The following DNAH5 variants were observed in gnomAD, a reference collection of about 807,000 sequenced individuals.
The protein encoded by DNAH5 is dynein axonemal heavy chain 5.
DNAH5 carries 372 observed loss-of-function variants against 518.2 expected under a neutral mutation model. The ratio of observed to expected loss-of-function variants is 0.72; its 90% CI spans 0.66 to 0.78. The LOEUF is 0.78. DNAH5 is among the 30% of genes least tolerant of loss of function. DNAH5 has a pLI of 0.00. For missense variants in DNAH5, 5,523 were observed against 5,687.0 expected (o/e 0.97, Z 0.93); for synonymous variants, 2,039 against 2,025.9 (o/e 1.01, Z -0.17).
Position 13,753,332 on chromosome 5 carries a change from T to C in DNAH5, c.10773A>G (p.Gly3591=), listed in dbSNP as rs1255675070. The change falls in exon 63 of 79, where the codon GGA becomes GGG. Residue 3591 remains glycine (G), a synonymous_variant. Coordinates refer to ENST00000265104, the MANE Select transcript of DNAH5 (RefSeq NM_001369.3). The part of the protein sequence containing the change: ...LPNDDLSIQN[G]IIVTKASRYP... ...AACGAGATGCCTTCGTGACAATAAT[T>C]CCATTTTGAATGGACAAGTCATCAT... The C allele has an allele frequency of 6.2e-7, 1 of 1,613,966 alleles. No individual in the cohort carries two copies.
Position 13,864,656 on chromosome 5 carries a change from A to T in DNAH5, c.4356-19T>A, listed in dbSNP as rs759062728. 2.5e-6 allele frequency: 4 copies of T among 1,614,056 alleles called. No homozygotes were observed. The South Asian group carries it at 4.4e-5, about 18-fold the overall frequency. ...TCGACATCTGTGAAGGGACACCAAC[A>T]TGAAAGGCCATTGAAATATGATGGT... On this transcript the variant is annotated intron_variant, in intron 27 of 78. Coordinates refer to ENST00000265104, the MANE Select transcript of DNAH5 (RefSeq NM_001369.3).
At chr5:13,950,596 T>A (rs768412538) in intron 1 of DNAH5, among the ~76,000 whole-genome samples, 2 of 152,200 alleles carry the variant, frequency 1.3e-5, no homozygotes, top group Non-Finnish European at 2.9e-5. Context: ...TATATAAAGC[T>A]GTAGTGCTTT....
chr5:13,862,828 T>A, intron 28 of DNAH5, 81 bp from the exon 29 acceptor site: 1 of 710,966 alleles, frequency 1.4e-6, no homozygotes, highest in Non-Finnish European at 2.2e-6. Context: ...TACCCCATCT[T>A]CACTATTTGC....
rs1004254149 is a variant in DNAH5, at chr5:13,876,736, T to C, written c.3344A>G (p.Glu1115Gly). 4.3e-6 allele frequency: 7 copies of C among 1,613,840 alleles called. No individual in the cohort carries two copies. The African/African-American group carries it at 9.3e-5, about 22-fold the overall frequency. Residue 1115 changes from glutamate to glycine, a missense_variant, in exon 22 of 79, where the codon GAG becomes GGG. This residue lies in a region of DNAH5 where 5,121 missense variants were observed against 5,223.3 expected (regional missense o/e 0.98). Coordinates refer to ENST00000265104, the MANE Select transcript of DNAH5 (RefSeq NM_001369.3). ...AAGCACAGAAACTAATTTTACAATCTCTTTGTTTTCAGAAACATTCTTATA... is the reference window on the plus strand; with the variant it reads ...AAGCACAGAAACTAATTTTACAATCCCTTTGTTTTCAGAAACATTCTTATA... The part of the protein sequence containing the change: ...NYYKNVSENK[E>G]IVKLVSVLST...
Position 13,717,447 on chromosome 5 carries a change from C to T in DNAH5, c.12573G>A (p.Leu4191=), listed in dbSNP as rs1744456187. The T allele has an allele frequency of 6.2e-7, 1 of 1,614,042 alleles. No individual in the cohort carries two copies. Residue 4191 remains leucine, a synonymous_variant, in exon 73 of 79, where the codon CTG becomes CTA. Transcript: ENST00000265104. ...TGCGCCTCTCCTGGACAGTGGAGTGCAGGAAAGCCACTGCGTACAGCATGG... is the reference window on the plus strand; with the variant it reads ...TGCGCCTCTCCTGGACAGTGGAGTGTAGGAAAGCCACTGCGTACAGCATGG... ...WKPMLYAVAF[L]HSTVQERRKF...
intron 44 of DNAH5, 60 bp downstream of exon 44, chr5:13,811,587 C>T: frequency 6.7e-7 from 1 of 1,487,796 alleles, no homozygotes; most frequent in East Asian, 2.3e-5. Flanking sequence ...ATATAGTACT[C>T]TCTGTGCAGC....
chr5:13,837,692 C>CTT (rs534618242), intron 35 of DNAH5, among the ~76,000 whole-genome samples: 44 of 95,136 alleles, frequency 4.6e-4, no homozygotes, highest in East Asian at 6.9e-4. Context: ...GGGAACTCCA[C>CTT]TTTTTTTTTT....
intron 1 of DNAH5, among the ~76,000 whole-genome samples, chr5:13,987,069 T>A (rs1282223720): frequency 6.6e-6 from 1 of 152,162 alleles, no homozygotes; most frequent in Non-Finnish European, 1.5e-5. Flanking sequence ...TCGACTGCCC[T>A]GGTTTCATGT....
intron 31 of DNAH5, among the ~76,000 whole-genome samples, 194 bp downstream of exon 31, chr5:13,850,458 T>C (rs1032183111): frequency 2.0e-5 from 3 of 152,174 alleles, no homozygotes; most frequent in Admixed American, 1.3e-4. Flanking sequence ...GTCCTATGAG[T>C]CCAACATCAG....
rs115075057 is a variant in DNAH5 at position 13,714,607 on chromosome 5, T to C, written c.12923A>G (p.Tyr4308Cys). The C allele has an allele frequency of 1.2e-3, 1,918 of 1,614,004 alleles. 21 individuals are homozygous for C. In the African/African-American group the frequency reaches 0.022, roughly 19 times the overall value. Reference protein sequence around the residue: ...YLQYIQSLPAYDSPEVFGLHP... With the variant: ...YLQYIQSLPACDSPEVFGLHP... ...CAGCCCAAACACCTCAGGGCTGTCATAGGCAGGCAAACTCTGAACAACAGA... is the reference window on the plus strand; with the variant it reads ...CAGCCCAAACACCTCAGGGCTGTCACAGGCAGGCAAACTCTGAACAACAGA... Residue 4308 changes from tyrosine to cysteine, a missense_variant, in exon 75 of 79, where the codon TAT becomes TGT. By Grantham distance (194) the Tyr-to-Cys change is radical. This residue lies in a region of DNAH5 where 387 missense variants were observed against 430.0 expected (regional missense o/e 0.90). Transcript: ENST00000265104.
intron 4 of DNAH5, among the ~76,000 whole-genome samples, chr5:13,922,944 T>C (rs1777468754): frequency 1.3e-5 from 2 of 151,908 alleles, no homozygotes; most frequent in Non-Finnish European, 1.5e-5. Context: ...AAGTTATATA[T>C]CCACTTTCAG....
At chr5:13,937,941 C>G (rs1282129921) in intron 1 of DNAH5, among the ~76,000 whole-genome samples, 1 of 152,174 alleles carries the variant, frequency 6.6e-6, no homozygotes, top group Non-Finnish European at 1.5e-5. Flanking sequence ...CAGCCATTCT[C>G]CTATCCCCAT....
intron 53 of DNAH5, 70 bp from the exon 54 acceptor site, chr5:13,777,425 G>A (rs866487114): frequency 1.5e-5 from 21 of 1,408,616 alleles, no homozygotes; most frequent in Middle Eastern, 2.0e-4. Flanking sequence ...TTGTAACAAC[G>A]CATTATGCCA....
intron 40 of DNAH5, among the ~76,000 whole-genome samples, chr5:13,821,799 A>G (rs918218027): frequency 1.3e-5 from 2 of 151,920 alleles, no homozygotes; most frequent in Admixed American, 6.6e-5. Context: ...TTATATTTTT[A>G]TATATTTTTT....
At position 13,922,330 on chromosome 5, in the gene DNAH5, T is replaced by C. The variant is rs565076112; in HGVS notation, c.439-2A>G. The C allele has an allele frequency of 6.2e-6, 10 of 1,612,684 alleles. No homozygotes were observed. In the Admixed American group the frequency reaches 8.3e-5, roughly 13 times the overall value. ...ATCTAACATGTTAAAACTCACCTCC[T>C]GGAAAACAGGCAGGAGATCTTTTAT... is the stretch of plus-strand genomic sequence containing the variant. On this transcript the variant is annotated splice_acceptor_variant, in intron 4 of 78. Coordinates refer to ENST00000265104, the MANE Select transcript of DNAH5 (RefSeq NM_001369.3). LOFTEE classifies it high-confidence loss of function.
chr5:13,830,465 T>C, intron 36 of DNAH5, 132 bp downstream of exon 36: 3 of 1,113,610 alleles, frequency 2.7e-6, no homozygotes, highest in South Asian at 1.4e-5. Flanking sequence ...CCTGGCAAGA[T>C]TGAAGATTTT....
Position 13,775,604 on chromosome 5 carries a change from A to G in DNAH5, c.9373+835T>C, listed in dbSNP as rs559826262. On this transcript the variant is annotated intron_variant, in intron 55 of 78. Transcript: ENST00000265104. ...CCCACTAACTTTTTCCACCTATGGCAACCCTCAACTTCATGCTCCTCAGTT... is the reference window on the plus strand; with the variant it reads ...CCCACTAACTTTTTCCACCTATGGCGACCCTCAACTTCATGCTCCTCAGTT... Among the ~76,000 whole-genome samples, 20 of 152,274 alleles carry G rather than the reference A, an allele frequency of 1.3e-4. 1 individual carries two copies. In the South Asian group the frequency reaches 4.1e-3, roughly 32 times the overall value.
chr5:13,975,156 T>G (rs766624094), intron 1 of DNAH5, among the ~76,000 whole-genome samples: 1 of 152,190 alleles, frequency 6.6e-6, no homozygotes, highest in East Asian at 1.9e-4. Flanking sequence ...GGACTTACAG[T>G]TCCAGTGGCT....
chr5:13,830,502 G>T, intron 36 of DNAH5, 95 bp downstream of exon 36: 3 of 1,445,300 alleles, frequency 2.1e-6, no homozygotes, highest in Non-Finnish European at 2.9e-6. Context: ...AGTTGAAAAT[G>T]ATTCTAAAAT....
Sources: gnomAD v4.1 joint callset for allele counts (sites outside exome capture counted in the v4.1 genomes callset) on GRCh38, gnomAD v4.1.1 for gene constraint, gnomAD v4.1.1 regional missense constraint, MANE v1.5 for transcripts, NCBI Gene and HGNC (gene_info 2026-07-23, HGNC 2026-07-21) for gene names.